The following CDKAL1 variants were observed in gnomAD, a reference collection of about 807,000 sequenced individuals.
CDKAL1 encodes the protein CDKAL1 threonylcarbamoyladenosine tRNA methylthiotransferase.
A neutral mutation model predicts 68.2 loss-of-function variants in CDKAL1; 32 were observed. The observed-to-expected ratio is 0.47, with a 90% CI of 0.35 to 0.63. CDKAL1 has a LOEUF of 0.63. CDKAL1 is among the 30% of genes least tolerant of loss of function. CDKAL1 has a pLI of 0.00. For synonymous variants in CDKAL1, 234 were observed against 244.3 expected (o/e 0.96, Z 0.39); for missense variants, 606 against 696.7 (o/e 0.87, Z 1.47).
intron 4 of CDKAL1, among the ~76,000 whole-genome samples, chr6:20,620,856 A>G (rs1167453811): frequency 6.6e-6 from 1 of 152,074 alleles, no homozygotes; most frequent in African/African-American, 2.4e-5. Flanking sequence ...TATTATTTAC[A>G]TCTTATATTA....
At chr6:21,035,698 G>A (rs748691263) in intron 11 of CDKAL1, among the ~76,000 whole-genome samples, 4 of 152,110 alleles carry the variant, frequency 2.6e-5, no homozygotes, top group African/African-American at 9.7e-5. Flanking sequence ...AGTTTAGTGT[G>A]CCCTGTCATC....
intron 5 of CDKAL1, among the ~76,000 whole-genome samples, chr6:20,717,317 T>C (rs1009443808): frequency 1.3e-5 from 2 of 151,936 alleles, no homozygotes; most frequent in African/African-American, 4.8e-5. Context: ...ATATTTATGC[T>C]ATTGAGTCTG....
At position 21,203,048 on chromosome 6, in the gene CDKAL1, CTTGT is replaced by C. The variant is rs574527417; in HGVS notation, c.1548+1789_1548+1792del. Among the ~76,000 whole-genome samples, 16 of 151,586 alleles carry C rather than the reference CTTGT, an allele frequency of 1.1e-4. 1 individual carries two copies. Among genetic ancestry groups the C allele is most frequent in the Middle Eastern group, 6.8e-3 (2 of 294 alleles). On this transcript the variant is annotated intron_variant, in intron 15 of 15. Transcript: ENST00000274695. ...AGAAACAGTAAGGCTTTTGTTGGTT[CTTGT>C]TTGTTTGTTTGTTTTGAGAGAGGGT...
rs763225229 is a variant in CDKAL1 at position 20,546,422 on chromosome 6, A to G, written c.72A>G (p.Pro24=). The part of the protein sequence containing the change: ...EDIVSQEDSK[P]QDRHFVRKDV... ...TCGTGTCTCAGGAAGATTCAAAACC[A>G]CAAGATAGGCATTTTGTAAGAAAGG... The change falls in exon 3 of 16, where the codon CCA becomes CCG. Residue 24 remains proline (P), a synonymous_variant. Coordinates refer to ENST00000274695, the MANE Select transcript of CDKAL1 (RefSeq NM_017774.3). 15 of 1,614,036 alleles carry G rather than the reference A, an allele frequency of 9.3e-6. No individual in the cohort carries two copies.
chr6:21,203,651 A>G (rs1450152471), intron 15 of CDKAL1, among the ~76,000 whole-genome samples: 1 of 150,748 alleles, frequency 6.6e-6, no homozygotes, highest in Non-Finnish European at 1.5e-5. Flanking sequence ...CATCTAAAGC[A>G]AAATACTGTG....
chr6:20,964,551 A>C (rs575241005), intron 10 of CDKAL1, among the ~76,000 whole-genome samples: 1 of 152,296 alleles, frequency 6.6e-6, no homozygotes, highest in Admixed American at 6.5e-5. Context: ...ACACAAACAG[A>C]AAACCAAATA....
intron 15 of CDKAL1, among the ~76,000 whole-genome samples, chr6:21,214,818 C>A (rs1473604001): frequency 6.6e-6 from 1 of 151,994 alleles, no homozygotes; most frequent in Non-Finnish European, 1.5e-5. Context: ...ACCTTTGTGT[C>A]CTTAATGACT....
chr6:20,769,275 T>TTTC (rs1242862104), intron 7 of CDKAL1, among the ~76,000 whole-genome samples: 11 of 150,582 alleles, frequency 7.3e-5, no homozygotes, highest in Middle Eastern at 3.4e-3. Flanking sequence ...TTTTTTTTTT[T>TTTC]CAAGACAGAG....
intron 4 of CDKAL1, among the ~76,000 whole-genome samples, chr6:20,617,050 A>AAC (rs1766948844): frequency 6.6e-6 from 1 of 151,422 alleles, no homozygotes; most frequent in Admixed American, 6.6e-5. Context: ...GAAGAAAAAA[A>AAC]AAAAAGCCTT....
intron 10 of CDKAL1, among the ~76,000 whole-genome samples, chr6:20,973,332 A>G (rs996296627): frequency 2.6e-5 from 4 of 152,212 alleles, no homozygotes; most frequent in Admixed American, 6.5e-5. Flanking sequence ...CTTTTGGGTC[A>G]CATATTCCTA....
intron 11 of CDKAL1, among the ~76,000 whole-genome samples, chr6:21,025,573 G>C (rs1215771936): frequency 6.6e-6 from 1 of 152,142 alleles, no homozygotes; most frequent in African/African-American, 2.4e-5. Flanking sequence ...GGGTAGGAAT[G>C]TAATAAGTAG....
At chr6:20,665,863 G>T (rs190854402) in intron 5 of CDKAL1, among the ~76,000 whole-genome samples, 1 of 152,126 alleles carries the variant, frequency 6.6e-6, no homozygotes, top group Admixed American at 6.6e-5. Context: ...ACTCATGCAG[G>T]TCGTGTGGAA....
chr6:20,904,225 GT>G (rs1011974947), intron 9 of CDKAL1, among the ~76,000 whole-genome samples: 64 of 152,272 alleles, frequency 4.2e-4, no homozygotes, highest in African/African-American at 1.3e-3. Context: ...ACTGATGTGA[GT>G]TTCAGGGAAT....
At chr6:20,649,524 TTGTC>T (rs1376797658) in intron 5 of CDKAL1, 147 bp downstream of exon 5, 10 of 536,774 alleles carry the variant, frequency 1.9e-5, no homozygotes, top group South Asian at 8.2e-5. Flanking sequence ...TATTTTGAAT[TTGTC>T]TGATACAGAA....
chr6:20,851,926 G>A (rs1390207387), intron 9 of CDKAL1, among the ~76,000 whole-genome samples: 2 of 151,904 alleles, frequency 1.3e-5, no homozygotes, highest in African/African-American at 2.4e-5. Context: ...ATGATGATTA[G>A]TATACACTGA....
At chr6:21,078,823 C>A (rs1472491496) in intron 12 of CDKAL1, among the ~76,000 whole-genome samples, 1 of 152,172 alleles carries the variant, frequency 6.6e-6, no homozygotes, top group Non-Finnish European at 1.5e-5. Context: ...TCCTCCCCAC[C>A]TCTTTCATGT....
At chr6:20,698,473 A>T (rs1249358461) in intron 5 of CDKAL1, among the ~76,000 whole-genome samples, 1 of 152,042 alleles carries the variant, frequency 6.6e-6, no homozygotes, top group African/African-American at 2.4e-5. Context: ...CCAGGGTACT[A>T]TGTTGCGCTT....
At chr6:20,721,733 T>TTTTG (rs1203353974) in intron 5 of CDKAL1, among the ~76,000 whole-genome samples, 7 of 134,718 alleles carry the variant, frequency 5.2e-5, no homozygotes, top group African/African-American at 1.5e-4. Flanking sequence ...CTGTTTTTTT[T>TTTTG]TTTTTTTTTT....
intron 11 of CDKAL1, among the ~76,000 whole-genome samples, chr6:21,049,787 T>C (rs1770440723): frequency 6.6e-6 from 1 of 152,070 alleles, no homozygotes; most frequent in African/African-American, 2.4e-5. Context: ...CTAAATTCTT[T>C]GGTGTCATCT....
Sources: gnomAD v4.1 joint callset for allele counts (sites outside exome capture counted in the v4.1 genomes callset) on GRCh38, gnomAD v4.1.1 for gene constraint, MANE v1.5 for transcripts, NCBI Gene and HGNC (gene_info 2026-07-23, HGNC 2026-07-21) for gene names.